Variants in ETV1 observed in about 807,000 individuals in gnomAD.
ETV1 encodes the protein ETS variant transcription factor 1.
ETV1 carries 27 observed loss-of-function variants against 62.3 expected under a neutral mutation model. The ratio of observed to expected loss-of-function variants is 0.43; its 90% CI spans 0.32 to 0.60. The LOEUF is 0.60. Among genes scored for constraint, ETV1 ranks in the 20% least tolerant of loss-of-function variants. The probability of loss-of-function intolerance (pLI) is 0.06; values close to 1 mark genes in which losing one functional copy is unlikely to be tolerated. For missense variants in ETV1, 605 were observed against 605.8 expected (o/e 1.00, Z 0.01); for synonymous variants, 222 against 199.6 (o/e 1.11, Z -0.94).
intron 6 of ETV1, among the ~76,000 whole-genome samples, chr7:13,965,729 T>C (rs535882725): frequency 1.4e-4 from 22 of 152,298 alleles, no homozygotes; most frequent in African/African-American, 4.8e-4. Flanking sequence ...ATAATATTTA[T>C]TAGAGTGCCC....
chr7:13,988,807 A>G, intron 3 of ETV1: 2 of 1,605,704 alleles, frequency 1.2e-6, no homozygotes, highest in Non-Finnish European at 1.7e-6. Context: ...TAAAAACAAA[A>G]CTATGCCTTA....
At chr7:13,978,995 T>C (rs1372938877) in intron 5 of ETV1, among the ~76,000 whole-genome samples, 3 of 152,094 alleles carry the variant, frequency 2.0e-5, no homozygotes, top group Admixed American at 6.6e-5. Flanking sequence ...TTTTTTCAAG[T>C]TTTAACTGAT....
chr7:13,967,270 T>C (rs10278571), intron 6 of ETV1, among the ~76,000 whole-genome samples: 26,735 of 152,002 alleles, frequency 0.18, 3,838 homozygotes, highest in African/African-American at 0.4. Flanking sequence ...AACAGGACTA[T>C]ATAGGCAATA....
At chr7:13,929,188 G>C (rs1785791889) in intron 9 of ETV1, among the ~76,000 whole-genome samples, 1 of 152,102 alleles carries the variant, frequency 6.6e-6, no homozygotes, top group Admixed American at 6.5e-5. Flanking sequence ...TTATAATAGA[G>C]CCCACTGTAT....
Position 13,892,860 on chromosome 7 carries a change from G to C in ETV1, c.*3006C>G, listed in dbSNP as rs1781473516. The C allele has an allele frequency of 4.3e-6, 1 of 232,162 alleles. No individual in the cohort carries two copies. The highest frequency in any genetic ancestry group is 5.6e-5 in the Admixed American group (1 of 17,740). 14.4% of individuals were successfully genotyped at this position (232,162 alleles called of 1,614,324 possible). A position where few individuals can be genotyped will look rare whatever the true frequency, so the allele number is the denominator to read the frequency against. Reference sequence around the variant, plus strand: ...CCCCTGGAGCCTCCAGAAGGAACCAGACCTAAGGACATCTTGGTTTTAGTC... The same window carrying C: ...CCCCTGGAGCCTCCAGAAGGAACCACACCTAAGGACATCTTGGTTTTAGTC... On this transcript the variant is annotated 3_prime_UTR_variant, in exon 14 of 14. Coordinates refer to ENST00000430479, the MANE Select transcript of ETV1 (RefSeq NM_004956.5).
chr7:13,973,018 T>C (rs1365730906), intron 6 of ETV1, among the ~76,000 whole-genome samples: 4 of 152,242 alleles, frequency 2.6e-5, no homozygotes, highest in South Asian at 4.1e-4. Flanking sequence ...AATTAAAATA[T>C]TTTGTAAACA....
chr7:13,901,762 C>T lies in ETV1; in HGVS notation c.1111-923G>A, dbSNP rs370576442. Among the ~76,000 whole-genome samples the T allele has an allele frequency of 7.9e-4, 120 of 152,022 alleles. 2 individuals are homozygous for T. In the South Asian group the frequency reaches 0.015, roughly 19 times the overall value. On this transcript the variant is annotated intron_variant, in intron 12 of 13. Transcript: ENST00000430479. ...AAGAATTAAGCATTCATTTAGAGAA[C>T]GGTAATTGGATGCTAAAAATAAGAA...
chr7:13,926,747 A>C (rs1583658041), intron 9 of ETV1, among the ~76,000 whole-genome samples: 1 of 152,296 alleles, frequency 6.6e-6, no homozygotes, highest in Non-Finnish European at 1.5e-5. Flanking sequence ...TGGATCTTTT[A>C]GAACCTAGTA....
chr7:13,909,828 C>T (rs1783384194), intron 10 of ETV1, 128 bp from the exon 11 acceptor site: 2 of 744,650 alleles, frequency 2.7e-6, no homozygotes, highest in African/African-American at 1.8e-5. Context: ...TTCCTTGAGC[C>T]CTGGACACAT....
chr7:13,920,964 A>C (rs1784777876), intron 9 of ETV1, among the ~76,000 whole-genome samples: 1 of 152,218 alleles, frequency 6.6e-6, no homozygotes, highest in Non-Finnish European at 1.5e-5. Flanking sequence ...CAATTGAAGC[A>C]CCTAAAAATC....
At chr7:13,898,115 C>G (rs1354877323) in intron 13 of ETV1, among the ~76,000 whole-genome samples, 2 of 152,104 alleles carry the variant, frequency 1.3e-5, no homozygotes, top group Non-Finnish European at 2.9e-5. Context: ...TTAAATGCTA[C>G]TGAGTTTAGA....
At chr7:13,962,866 G>A (rs917520969) in intron 6 of ETV1, among the ~76,000 whole-genome samples, 1 of 152,008 alleles carries the variant, frequency 6.6e-6, no homozygotes, top group Non-Finnish European at 1.5e-5. Flanking sequence ...TTCTTTTATT[G>A]TATTACACAA....
At chr7:13,969,650 T>A (rs1253322885) in intron 6 of ETV1, among the ~76,000 whole-genome samples, 1 of 152,184 alleles carries the variant, frequency 6.6e-6, no homozygotes, top group Non-Finnish European at 1.5e-5. Context: ...AACAGGAAGC[T>A]GCATTTGCAC....
intron 11 of ETV1, among the ~76,000 whole-genome samples, chr7:13,909,199 G>A (rs1247642921): frequency 2.0e-5 from 3 of 150,582 alleles, no homozygotes; most frequent in African/African-American, 7.3e-5. Flanking sequence ...TTGTTCCTGT[G>A]TTCCATAATG....
rs1433124944 is a variant in ETV1 at position 13,896,738 on chromosome 7, A to AG, written c.1213-652dup. Among the ~76,000 whole-genome samples, 80 of 70,542 alleles carry AG rather than the reference A, an allele frequency of 1.1e-3. 1 individual carries two copies. The highest frequency in any genetic ancestry group is 3.0e-3 in the Admixed American group (20 of 6,660). The allele number at this position is 70,542 out of a possible 152,430, so 46.3% of individuals were successfully genotyped here. On this transcript the variant is annotated intron_variant, in intron 13 of 13. Transcript: ENST00000430479. ...GAGAGAGAAAGAAAAAGAAAAAGAA[A>AG]GAAAGGAAAGAAAGAAAGAAAGAAA...
In ETV1 at chr7:13,936,766, C is replaced by T. The variant is rs117357646; in HGVS notation, c.366-870G>A. On this transcript the variant is annotated intron_variant, in intron 7 of 13. Transcript: ENST00000430479. ...GAATGCTGTATTTCATTTTGCTGGG[C>T]GCAGTGGCTCATGCCCCTGATCCTA... Among the ~76,000 whole-genome samples, 168 of 152,230 alleles carry T rather than the reference C, an allele frequency of 1.1e-3. 5 individuals carry two copies. The East Asian group carries it at 0.018, about 17-fold the overall frequency.
At chr7:13,968,550 C>T (rs1373581213) in intron 6 of ETV1, among the ~76,000 whole-genome samples, 6 of 150,444 alleles carry the variant, frequency 4.0e-5, no homozygotes, top group Non-Finnish European at 5.9e-5. Context: ...ACTTATATTC[C>T]GTATACTTAC....
chr7:13,926,479 T>A (rs1785440354), intron 9 of ETV1, among the ~76,000 whole-genome samples: 1 of 152,184 alleles, frequency 6.6e-6, no homozygotes, highest in Admixed American at 6.5e-5. Context: ...TATGTGGTCA[T>A]GAAAATGAGA....
chr7:13,907,143 G>A (rs1783055419), intron 11 of ETV1, among the ~76,000 whole-genome samples: 1 of 152,096 alleles, frequency 6.6e-6, no homozygotes, highest in South Asian at 2.1e-4. Context: ...ATCCTAAACT[G>A]AGTTAAGTAA....
Sources: allele counts gnomAD v4.1 joint callset (sites outside exome capture counted in the v4.1 genomes callset), GRCh38; gene constraint gnomAD v4.1.1; transcripts MANE v1.5; gene names NCBI Gene and HGNC (gene_info 2026-07-23, HGNC 2026-07-21).